The following SMPD3 variants were observed in gnomAD, a reference collection of about 807,000 sequenced individuals.
SMPD3 encodes nSMase-2.
A neutral mutation model predicts 55.7 loss-of-function variants in SMPD3; 21 were observed. The observed-to-expected ratio is 0.38, with a 90% CI of 0.27 to 0.54. SMPD3 has a LOEUF of 0.54. Ranked by LOEUF, SMPD3 falls within the 20% of genes least tolerant of loss-of-function variation. SMPD3 has a pLI of 0.80. For synonymous variants in SMPD3, 457 were observed against 404.3 expected (o/e 1.13, Z -1.56); for missense variants, 842 against 899.6 (o/e 0.94, Z 0.82).
intron 1 of SMPD3, among the ~76,000 whole-genome samples, chr16:68,430,085 C>T (rs1252065867): frequency 6.6e-6 from 1 of 152,082 alleles, no homozygotes; most frequent in Non-Finnish European, 1.5e-5. Flanking sequence ...GGGTTAGGAG[C>T]ACATTCAGTT....
chr16:68,424,316 C>G (rs1199397244), intron 1 of SMPD3, among the ~76,000 whole-genome samples: 1 of 152,036 alleles, frequency 6.6e-6, no homozygotes, highest in Non-Finnish European at 1.5e-5. Flanking sequence ...CTGCCTTCTG[C>G]CTTCTTCACT....
At chr16:68,400,451 G>A (rs1264144038) in intron 1 of SMPD3, among the ~76,000 whole-genome samples, 1 of 152,212 alleles carries the variant, frequency 6.6e-6, no homozygotes, top group Non-Finnish European at 1.5e-5. Flanking sequence ...GATATAATCA[G>A]CTCCTAATTC....
At position 68,360,433 on chromosome 16, in the gene SMPD3, TG is replaced by T. The variant is rs1173083637; in HGVS notation, c.*772del. 1.3e-5 allele frequency: 2 copies of T among 151,860 alleles called. No individual in the cohort carries two copies. The highest frequency in any genetic ancestry group is 2.9e-5 in the Non-Finnish European group (2 of 67,966). 9.4% of individuals were successfully genotyped at this position (151,860 alleles called of 1,614,324 possible). A position where few individuals can be genotyped will look rare whatever the true frequency, so the allele number is the denominator to read the frequency against. On this transcript the variant is annotated 3_prime_UTR_variant, in exon 9 of 9. Transcript: ENST00000219334. ...GGAGGCTCCCGGAGGAGGCCCAGGGTGCCAGAGCCTGCCAGACTCTGTTGTG... is the reference window on the plus strand; with the variant it reads ...GGAGGCTCCCGGAGGAGGCCCAGGGTCCAGAGCCTGCCAGACTCTGTTGTG...
At chr16:68,442,471 C>G (rs1292574015) in intron 1 of SMPD3, among the ~76,000 whole-genome samples, 1 of 152,216 alleles carries the variant, frequency 6.6e-6, no homozygotes, top group Admixed American at 6.5e-5. Flanking sequence ...CTGTGGCTGA[C>G]ACATTTTTGT....
At position 68,371,284 on chromosome 16, in the gene SMPD3, C is replaced by G. The variant is rs1345882807; in HGVS notation, c.898G>C (p.Glu300Gln). ...GSLGSPSASR[E>Q]SLVKGRAGPD... ...CCAGCTCGCCCCTTCACCAGGGACT[C>G]CCGGGAGGCCGAGGGGCTGCCCAGG... is the stretch of plus-strand genomic sequence containing the variant. The change falls in exon 3 of 9, where the codon GAG (glutamate) becomes CAG (glutamine). Residue 300 changes from glutamate to glutamine, a missense_variant. Glu to Gln is a conservative substitution (Grantham distance 29, BLOSUM62 2). Around this residue, in one of 2 missense-constraint regions of SMPD3, gnomAD observed 649 missense variants for 643.6 expected, o/e 1.01. Transcript: ENST00000219334. 2 of 1,604,094 alleles carry G rather than the reference C, an allele frequency of 1.2e-6. No homozygotes were observed. Among genetic ancestry groups the G allele is most frequent in the African/African-American group, 2.7e-5 (2 of 74,870 alleles).
intron 1 of SMPD3, among the ~76,000 whole-genome samples, chr16:68,427,158 G>T (rs974157329): frequency 6.6e-6 from 1 of 151,954 alleles, no homozygotes; most frequent in Non-Finnish European, 1.5e-5. Context: ...CACCATGCCT[G>T]GCTAACTTTT....
intron 1 of SMPD3, among the ~76,000 whole-genome samples, chr16:68,415,953 A>G (rs2090335728): frequency 6.6e-6 from 1 of 152,106 alleles, no homozygotes; most frequent in African/African-American, 2.4e-5. Flanking sequence ...CAACGGCCTG[A>G]TTTAGTATTA....
At chr16:68,431,974 G>T (rs947110562) in intron 1 of SMPD3, among the ~76,000 whole-genome samples, 4 of 151,700 alleles carry the variant, frequency 2.6e-5, no homozygotes, top group Non-Finnish European at 5.9e-5. Context: ...AATTAGCTGG[G>T]TGTGGTGGTG....
chr16:68,377,424 C>G (rs1431124987), intron 2 of SMPD3, among the ~76,000 whole-genome samples: 2 of 152,222 alleles, frequency 1.3e-5, no homozygotes, highest in Admixed American at 6.5e-5. Context: ...CCCCAGACTG[C>G]GGCTGCTCCT....
At chr16:68,416,166 G>C (rs1157090427) in intron 1 of SMPD3, among the ~76,000 whole-genome samples, 1 of 152,218 alleles carries the variant, frequency 6.6e-6, no homozygotes, top group Non-Finnish European at 1.5e-5. Context: ...GGTTGCTGCT[G>C]CCACTGTGCC....
intron 2 of SMPD3, among the ~76,000 whole-genome samples, chr16:68,383,200 C>A (rs1484785296): frequency 1.3e-5 from 2 of 152,306 alleles, no homozygotes; most frequent in East Asian, 3.9e-4. Flanking sequence ...CTGTGCAGAG[C>A]AAGCTGGCTC....
At chr16:68,438,639 C>T (rs2090543464) in intron 1 of SMPD3, among the ~76,000 whole-genome samples, 1 of 152,206 alleles carries the variant, frequency 6.6e-6, no homozygotes, top group Non-Finnish European at 1.5e-5. Context: ...TGCTCCCAAA[C>T]ATACCATTGT....
chr16:68,426,294 AATAACCTT>A (rs2090435354), intron 1 of SMPD3, among the ~76,000 whole-genome samples: 1 of 152,244 alleles, frequency 6.6e-6, no homozygotes, highest in African/African-American at 2.4e-5. Context: ...ATGTTGATTC[AATAACCTT>A]ATTTGATCTT....
At chr16:68,408,975 G>A (rs1412023310) in intron 1 of SMPD3, among the ~76,000 whole-genome samples, 1 of 152,148 alleles carries the variant, frequency 6.6e-6, no homozygotes, top group Non-Finnish European at 1.5e-5. Flanking sequence ...CCACCGCTAT[G>A]GAGTGCACAC....
chr16:68,394,186 T>C (rs8051517), intron 1 of SMPD3, among the ~76,000 whole-genome samples: 9,438 of 152,294 alleles, frequency 0.062, 347 homozygotes, highest in Middle Eastern at 0.13. Flanking sequence ...GTCTCCTTTA[T>C]GTGTTCCTCA....
intron 2 of SMPD3, among the ~76,000 whole-genome samples, chr16:68,373,243 C>T (rs2089721195): frequency 6.6e-6 from 1 of 152,220 alleles, no homozygotes; most frequent in Admixed American, 6.5e-5. Context: ...TGAATAAGCC[C>T]ACCCTGGGTC....
At chr16:68,414,453 C>T (rs570879837) in intron 1 of SMPD3, among the ~76,000 whole-genome samples, 1 of 152,364 alleles carries the variant, frequency 6.6e-6, no homozygotes, top group Non-Finnish European at 1.5e-5. Context: ...CTCTCCCACA[C>T]TGGGCCACCC....
chr16:68,371,895 A>G lies in SMPD3; in HGVS notation c.287T>C (p.Ile96Thr), dbSNP rs2089681510. 6.2e-7 allele frequency: 1 copy of G among 1,610,584 alleles called. No individual in the cohort carries two copies. Among genetic ancestry groups the G allele is most frequent in the Non-Finnish European group, 8.5e-7 (1 of 1,179,290 alleles). Residue 96 changes from isoleucine to threonine, a missense_variant, in exon 3 of 9, where the codon ATC becomes ACC. This residue lies in a region of SMPD3 where 193 missense variants were observed against 256.0 expected (regional missense o/e 0.75). Coordinates refer to ENST00000219334, the MANE Select transcript of SMPD3 (RefSeq NM_018667.4). ...GCCCTTGTCTTCCAGCCGTGAATAG[A>G]TGTAGGGCCGGCGGGCCGACTGCAG... ...SPLQSARRPY[I>T]YSRLEDKGLA... is the part of the protein sequence containing the mutation.
chr16:68,444,246 C>G (rs949275905), intron 1 of SMPD3, among the ~76,000 whole-genome samples: 1 of 152,212 alleles, frequency 6.6e-6, no homozygotes, highest in African/African-American at 2.4e-5. Flanking sequence ...GGCCAGCACT[C>G]CAGAACCTTG....
Sources: allele counts gnomAD v4.1 joint callset (sites outside exome capture counted in the v4.1 genomes callset), GRCh38; gene constraint gnomAD v4.1.1; regional missense constraint gnomAD v4.1.1; transcripts MANE v1.5; gene names NCBI Gene and HGNC (gene_info 2026-07-23, HGNC 2026-07-21).